The following L3MBTL4 variants were observed in gnomAD, a reference collection of about 807,000 sequenced individuals.
L3MBTL4 encodes lethal(3)malignant brain tumor-like protein 4.
In L3MBTL4, 70 loss-of-function variants were observed where a neutral mutation model predicts 84.5. That is an observed-to-expected ratio of 0.83 (90% confidence interval 0.68 to 1.01). L3MBTL4 has a LOEUF of 1.01. Ranked by LOEUF, L3MBTL4 falls within the 50% of genes least tolerant of loss-of-function variation. The pLI, the probability that L3MBTL4 is intolerant of heterozygous loss-of-function variation, is 0.00. For synonymous variants in L3MBTL4, 274 were observed against 259.8 expected (o/e 1.05, Z -0.52); for missense variants, 715 against 754.8 (o/e 0.95, Z 0.62).
At chr18:6,300,838 T>C (rs981381840) in intron 4 of L3MBTL4, among the ~76,000 whole-genome samples, 1 of 152,204 alleles carries the variant, frequency 6.6e-6, no homozygotes, top group African/African-American at 2.4e-5. Context: ...GTCCAATTCA[T>C]TTCTAAAATC....
At chr18:5,981,974 C>CTGTGTGTGTGTGTGTGTGTG (rs374606293) in intron 16 of L3MBTL4, among the ~76,000 whole-genome samples, 14 of 137,428 alleles carry the variant, frequency 1.0e-4, no homozygotes, top group African/African-American at 2.5e-4. Context: ...TTTCAATATT[C>CTGTGTGTGTGTGTGTGTGTG]TGTGTGTGTG....
chr18:6,081,808 C>T (rs1327578221), intron 15 of L3MBTL4, among the ~76,000 whole-genome samples: 2 of 152,124 alleles, frequency 1.3e-5, no homozygotes, highest in Non-Finnish European at 2.9e-5. Context: ...ATAATTGTAT[C>T]TATATGTTTA....
intron 4 of L3MBTL4, among the ~76,000 whole-genome samples, chr18:6,280,330 A>T (rs528656029): frequency 6.6e-6 from 1 of 152,312 alleles, no homozygotes; most frequent in Non-Finnish European, 1.5e-5. Context: ...TCACAGGGGC[A>T]TTTTCCCCAC....
Position 5,960,152 on chromosome 18 carries a change from G to A in L3MBTL4, c.1619C>T (p.Ala540Val). The change falls in exon 18 of 19, where the codon GCT becomes GTT. Residue 540 changes from alanine to valine, a missense_variant. Ala to Val is a moderately conservative substitution (Grantham distance 64). Coordinates refer to ENST00000317931, the MANE Select transcript of L3MBTL4 (RefSeq NM_001330559.2). ...GCCCAGAAGAGACTGTACAAACTCA[G>A]CCACCTACAGTGCGAGATGAAAAGC... is the stretch of plus-strand genomic sequence containing the variant. ...QVARWTVDEVAEFVQSLLGCE... is the reference protein window; with the variant it reads ...QVARWTVDEVVEFVQSLLGCE... The A allele has an allele frequency of 6.3e-7, 1 of 1,590,110 alleles. No homozygotes were observed. The highest frequency in any genetic ancestry group is 2.2e-5 in the East Asian group (1 of 44,526).
chr18:6,007,644 T>A (rs1243911540), intron 16 of L3MBTL4, among the ~76,000 whole-genome samples: 1 of 152,170 alleles, frequency 6.6e-6, no homozygotes, highest in Non-Finnish European at 1.5e-5. Flanking sequence ...AAATAACACA[T>A]GTACATGGTT....
rs374351915 is a variant in L3MBTL4, at chr18:5,968,077, A to G, written c.1614+1316T>C. Among the ~76,000 whole-genome samples, 188 of 152,342 alleles carry G rather than the reference A, an allele frequency of 1.2e-3. 1 individual carries two copies. The highest frequency in any genetic ancestry group is 4.4e-3 in the African/African-American group (182 of 41,596). ...AGAGGAGACACACTCAGTGTCTCCA[A>G]TTTCTGGGTGGGCTTTGGCCTGCCT... On this transcript the variant is annotated intron_variant, in intron 17 of 18. Transcript: ENST00000317931.
chr18:6,127,112 C>A (rs1188036122), intron 14 of L3MBTL4, among the ~76,000 whole-genome samples: 1 of 152,170 alleles, frequency 6.6e-6, no homozygotes, highest in Non-Finnish European at 1.5e-5. Flanking sequence ...GTGTTTCAAT[C>A]AGCCACTGTA....
intron 16 of L3MBTL4, among the ~76,000 whole-genome samples, chr18:6,015,630 A>C (rs2145434140): frequency 6.6e-6 from 1 of 152,316 alleles, no homozygotes; most frequent in South Asian, 2.1e-4. Flanking sequence ...AAAAGAAATA[A>C]ACTATGGTGC....
intron 15 of L3MBTL4, among the ~76,000 whole-genome samples, chr18:6,086,849 G>A (rs1274686774): frequency 6.6e-6 from 1 of 152,088 alleles, no homozygotes; most frequent in Non-Finnish European, 1.5e-5. Context: ...AGATGGAACT[G>A]GTTTGCTCAC....
At chr18:5,999,710 C>G (rs1567967390) in intron 16 of L3MBTL4, among the ~76,000 whole-genome samples, 1 of 152,132 alleles carries the variant, frequency 6.6e-6, no homozygotes, top group East Asian at 1.9e-4. Context: ...TAAAAAGGGC[C>G]AGAAGCAACT....
intron 12 of L3MBTL4, among the ~76,000 whole-genome samples, chr18:6,174,170 T>C (rs1040433068): frequency 7.9e-5 from 12 of 151,294 alleles, no homozygotes; most frequent in Non-Finnish European, 1.5e-5. Context: ...ACTCCCACTA[T>C]ATGCTGTATC....
intron 12 of L3MBTL4, 30 bp downstream of exon 12, chr18:6,213,119 T>C (rs2046180279): frequency 8.1e-7 from 1 of 1,232,930 alleles, no homozygotes; most frequent in African/African-American, 1.6e-5. Context: ...AAAATATTGA[T>C]ATAATAACAT....
At chr18:6,010,796 A>G (rs1443372696) in intron 16 of L3MBTL4, among the ~76,000 whole-genome samples, 1 of 152,252 alleles carries the variant, frequency 6.6e-6, no homozygotes, top group Non-Finnish European at 1.5e-5. Context: ...AATAAAACAT[A>G]GGATCTTCCC....
intron 12 of L3MBTL4, among the ~76,000 whole-genome samples, chr18:6,194,113 A>T (rs1053588852): frequency 6.6e-5 from 10 of 151,786 alleles, no homozygotes; most frequent in Admixed American, 1.3e-4. Context: ...AAAACAAAAT[A>T]AAAAAAACTG....
rs377706248 is a variant in L3MBTL4, at chr18:6,068,219, C to A, written c.1444+12662G>T. On this transcript the variant is annotated intron_variant, in intron 16 of 18. Coordinates refer to ENST00000317931, the MANE Select transcript of L3MBTL4 (RefSeq NM_001330559.2). Reference sequence around the variant, plus strand: ...TTATCTCATTCTCCCATGGTGTACACCTTTTTATTTATTTAATTTTTTCCC... The same window carrying A: ...TTATCTCATTCTCCCATGGTGTACAACTTTTTATTTATTTAATTTTTTCCC... Among the ~76,000 whole-genome samples the A allele has an allele frequency of 3.3e-5, 5 of 152,064 alleles. No individual in the cohort carries two copies. In the East Asian group the frequency reaches 9.6e-4, roughly 29 times the overall value.
At chr18:6,017,188 T>C (rs561110521) in intron 16 of L3MBTL4, among the ~76,000 whole-genome samples, 9 of 152,336 alleles carry the variant, frequency 5.9e-5, no homozygotes, top group Admixed American at 1.3e-4. Context: ...GCAGAGATTG[T>C]TTTCTTCTTG....
chr18:5,991,824 G>A (rs2053713337), intron 16 of L3MBTL4, among the ~76,000 whole-genome samples: 1 of 151,854 alleles, frequency 6.6e-6, no homozygotes, highest in Non-Finnish European at 1.5e-5. Context: ...ATCAACACTG[G>A]CTGAACCTAG....
rs2046694449 is a variant in L3MBTL4 at position 6,224,514 on chromosome 18, G to C, written c.785-8679C>G. ...AAAAGGCTGGAGGTTTTAATCTCTA[G>C]ATAGATTGAAACAGAGAAGTTACAG... On this transcript the variant is annotated intron_variant, in intron 10 of 18. Coordinates refer to ENST00000317931, the MANE Select transcript of L3MBTL4 (RefSeq NM_001330559.2). 2.0e-5 allele frequency among the ~76,000 whole-genome samples: 3 copies of C among 152,162 alleles called. No homozygotes were observed. In the South Asian group the frequency reaches 6.2e-4, roughly 31 times the overall value.
chr18:6,014,003 C>T (rs1598434390), intron 16 of L3MBTL4, among the ~76,000 whole-genome samples: 1 of 152,160 alleles, frequency 6.6e-6, no homozygotes, highest in East Asian at 1.9e-4. Context: ...AGGCTTGTGG[C>T]TGGCAATGAG....
Sources: gnomAD v4.1 joint callset for allele counts (sites outside exome capture counted in the v4.1 genomes callset) on GRCh38, gnomAD v4.1.1 for gene constraint, MANE v1.5 for transcripts, NCBI Gene and HGNC (gene_info 2026-07-23, HGNC 2026-07-21) for gene names.